The following XDH variants were observed in gnomAD, a reference collection of about 807,000 sequenced individuals.
XDH encodes xanthine dehydrogenase, also known as xanthine dehydrogenase/oxidase.
In XDH, 138 loss-of-function variants were observed where a neutral mutation model predicts 156.1. The observed-to-expected ratio is 0.88, with a 90% CI of 0.77 to 1.02. XDH has a LOEUF of 1.02. Ranked by LOEUF, XDH falls within the 50% of genes least tolerant of loss-of-function variation. The probability of loss-of-function intolerance (pLI) is 0.00; values close to 1 mark genes in which losing one functional copy is unlikely to be tolerated. For missense variants in XDH, 1,849 were observed against 1,684.9 expected (o/e 1.10, Z -1.71); for synonymous variants, 669 against 625.7 (o/e 1.07, Z -1.03).
intron 4 of XDH, 22 bp downstream of exon 4, chr2:31,401,198 C>T (rs1201588898): frequency 2.5e-6 from 4 of 1,612,596 alleles, no homozygotes; most frequent in South Asian, 1.1e-5. Context: ...CTCAAGAGCA[C>T]AGCTCCCTTT....
At chr2:31,341,459 A>T in intron 32 of XDH, 65 bp from the exon 33 acceptor site, 1 of 1,490,064 alleles carries the variant, frequency 6.7e-7, no homozygotes, top group Non-Finnish European at 9.2e-7. Context: ...ATGACAGATG[A>T]CTCATAGTGA....
intron 6 of XDH, among the ~76,000 whole-genome samples, chr2:31,389,971 A>C (rs981266906): frequency 6.6e-6 from 1 of 152,178 alleles, no homozygotes; most frequent in African/African-American, 2.4e-5. Context: ...AGTATCCTCA[A>C]AAGTGGCATA....
rs1287859640 is a variant in XDH at position 31,337,490 on chromosome 2, A to G, written c.3951+151T>C. On this transcript the variant is annotated intron_variant, in intron 35 of 35. Coordinates refer to ENST00000379416, the MANE Select transcript of XDH (RefSeq NM_000379.4). Reference sequence around the variant, plus strand: ...TCTTGCAAGTTCGAGTGTGTGCTTCATACCATGCACAATGAAGGGTGGCCA... The same window carrying G: ...TCTTGCAAGTTCGAGTGTGTGCTTCGTACCATGCACAATGAAGGGTGGCCA... 3 of 1,060,076 alleles carry G rather than the reference A, an allele frequency of 2.8e-6. No homozygotes were observed. In the African/African-American group the frequency reaches 4.7e-5, roughly 16 times the overall value. The allele number at this position is 1,060,076 out of a possible 1,614,324, so 65.7% of individuals were successfully genotyped here. A position where few individuals can be genotyped will look rare whatever the true frequency, so the allele number is the denominator to read the frequency against.
chr2:31,354,659 A>G (rs542950205), intron 24 of XDH, among the ~76,000 whole-genome samples: 1 of 152,336 alleles, frequency 6.6e-6, no homozygotes, highest in Admixed American at 6.5e-5. Flanking sequence ...TATTGGGTGG[A>G]TTCAACAGCA....
rs756727079 is a variant in XDH at position 31,383,745 on chromosome 2, C to T, written c.886+10G>A. On this transcript the variant is annotated intron_variant, in intron 10 of 35. Coordinates refer to ENST00000379416, the MANE Select transcript of XDH (RefSeq NM_000379.4). ...GCCCCTCCATAAGCTTGGAGTGAAC[C>T]TCCTCTTACCGTCGGGTCCATGTTC... 31 of 1,613,006 alleles carry T rather than the reference C, an allele frequency of 1.9e-5. No individual in the cohort carries two copies. Among genetic ancestry groups the T allele is most frequent in the Non-Finnish European group, 2.5e-5 (30 of 1,179,560 alleles).
chr2:31,339,410 C>G (rs1240547122), intron 34 of XDH, 79 bp downstream of exon 34: 5 of 1,591,096 alleles, frequency 3.1e-6, no homozygotes, highest in Non-Finnish European at 4.3e-6. Context: ...CCAGGTGGGT[C>G]ACTGAGGCCT....
intron 4 of XDH, among the ~76,000 whole-genome samples, chr2:31,400,984 A>G (rs536182290): frequency 5.9e-5 from 9 of 152,182 alleles, no homozygotes; most frequent in Non-Finnish European, 1.0e-4. Context: ...GTCCCTTCAG[A>G]TCATGCAATG....
intron 3 of XDH, among the ~76,000 whole-genome samples, chr2:31,402,475 C>G (rs887648448): frequency 2.0e-5 from 3 of 152,160 alleles, no homozygotes; most frequent in East Asian, 3.9e-4. Flanking sequence ...ATGGGACCAG[C>G]ACAGTCAAGG....
In XDH at chr2:31,388,261, G is replaced by A. The variant is rs781730239; in HGVS notation, c.530C>T (p.Pro177Leu). 20 of 1,613,996 alleles carry A rather than the reference G, an allele frequency of 1.2e-5. No individual in the cohort carries two copies. Among genetic ancestry groups the A allele is most frequent in the Non-Finnish European group, 1.6e-5 (19 of 1,180,010 alleles). ...TTTCTTCTGGTTCATGCAGCAATTT[G>A]GATTATTCCCATCTCCTCCACAGCA... ...GGCCGGDGNN[P>L]NCCMNQKKDH... Residue 177 changes from proline to leucine, a missense_variant, in exon 7 of 36, where the codon CCA (proline) becomes CTA (leucine). Coordinates refer to ENST00000379416, the MANE Select transcript of XDH (RefSeq NM_000379.4).
chr2:31,378,086 GAAAGAAAGAAAGAAAGA>G (rs1686303017), intron 13 of XDH, among the ~76,000 whole-genome samples: 1 of 44,300 alleles, frequency 2.3e-5, no homozygotes, highest in African/African-American at 9.7e-5. Context: ...AAGAAAGAAA[GAAAGAAAGAAAGAAAGA>G]AAGAAAGGAA....
At chr2:31,348,872 A>C (rs776485546) in intron 27 of XDH, 27 bp downstream of exon 27, 8 of 1,583,088 alleles carry the variant, frequency 5.1e-6, no homozygotes, top group Non-Finnish European at 6.9e-6. Context: ...TCCAGCGGAG[A>C]TGGACACAAT....
At chr2:31,357,496 A>C (rs1685656608) in intron 24 of XDH, among the ~76,000 whole-genome samples, 3 of 152,166 alleles carry the variant, frequency 2.0e-5, no homozygotes, top group Non-Finnish European at 4.4e-5. Flanking sequence ...CTTAGACAAA[A>C]TTAAATTGAA....
intron 6 of XDH, among the ~76,000 whole-genome samples, chr2:31,391,068 G>C (rs1686747929): frequency 6.6e-6 from 1 of 152,032 alleles, no homozygotes; most frequent in South Asian, 2.1e-4. Context: ...AGGTCATCTA[G>C]GTTTTCTCCT....
Position 31,386,395 on chromosome 2 carries a change from C to T in XDH, c.793+19G>A, listed in dbSNP as rs45625137. ...CCCAGACCCCCTGGCAGCCCCAGGG[C>T]AGCCTCCCTGGCCCTTACCAATCTC... On this transcript the variant is annotated intron_variant, in intron 9 of 35. Coordinates refer to ENST00000379416, the MANE Select transcript of XDH (RefSeq NM_000379.4). The T allele has an allele frequency of 7.4e-4, 1,191 of 1,610,870 alleles. 18 individuals are homozygous for T. In the East Asian group the frequency reaches 0.02, roughly 27 times the overall value.
In XDH at chr2:31,381,688, G is replaced by A. The variant is rs747850652; in HGVS notation, c.1077C>T (p.Ser359=). Reference sequence around the variant, plus strand: ...TGGCCATGAACACGGGGTTGAGGTCGGAGATGGGGCTGGCAGTGATGATGT... The same window carrying A: ...TGGCCATGAACACGGGGTTGAGGTCAGAGATGGGGCTGGCAGTGATGATGT... ...GGNIITASPI[S]DLNPVFMASG... is the part of the protein sequence containing the mutation. Residue 359 remains serine (S), a synonymous_variant, in exon 12 of 36, where the codon TCC becomes TCT. Coordinates refer to ENST00000379416, the MANE Select transcript of XDH (RefSeq NM_000379.4). The A allele has an allele frequency of 3.2e-5, 52 of 1,613,872 alleles. No homozygotes were observed. The highest frequency in any genetic ancestry group is 2.0e-4 in the African/African-American group (15 of 74,898).
At chr2:31,347,477 C>G (rs376139809) in intron 29 of XDH, 45 bp downstream of exon 29, 2 of 1,612,198 alleles carry the variant, frequency 1.2e-6, no homozygotes, top group African/African-American at 2.7e-5. Context: ...AGGCCCACAG[C>G]TCTGGGCTGG....
At chr2:31,355,936 C>T (rs754683378) in intron 24 of XDH, among the ~76,000 whole-genome samples, 1 of 152,088 alleles carries the variant, frequency 6.6e-6, no homozygotes, top group Non-Finnish European at 1.5e-5. Context: ...AAAGATATAA[C>T]ATGCAAACAT....
At chr2:31,395,463 C>G (rs1481724461) in intron 6 of XDH, among the ~76,000 whole-genome samples, 1 of 152,124 alleles carries the variant, frequency 6.6e-6, no homozygotes, top group Non-Finnish European at 1.5e-5. Flanking sequence ...TTAAGAAGAA[C>G]AGAATGCTCT....
At chr2:31,414,139 C>CTA (rs559804750) in intron 1 of XDH, among the ~76,000 whole-genome samples, 5 of 152,074 alleles carry the variant, frequency 3.3e-5, no homozygotes, top group Middle Eastern at 3.4e-3. Flanking sequence ...GCTGTTAAAC[C>CTA]TATATATATA....
Sources: gnomAD v4.1 joint callset for allele counts (sites outside exome capture counted in the v4.1 genomes callset) on GRCh38, gnomAD v4.1.1 for gene constraint, MANE v1.5 for transcripts, NCBI Gene and HGNC (gene_info 2026-07-23, HGNC 2026-07-21) for gene names.